The following NFATC2IP variants were observed in gnomAD, a reference collection of about 807,000 sequenced individuals.
NFATC2IP encodes NFATC2-interacting protein.
A neutral mutation model predicts 40.2 loss-of-function variants in NFATC2IP; 25 were observed. That is an observed-to-expected ratio of 0.62 (90% CI 0.45 to 0.87). The LOEUF is 0.87. NFATC2IP is among the 40% of genes least tolerant of loss of function. The pLI, the probability that NFATC2IP is intolerant of heterozygous loss-of-function variation, is 0.00. For missense variants in NFATC2IP, 553 were observed against 555.6 expected (o/e 1.00, Z 0.05); for synonymous variants, 241 against 236.3 (o/e 1.02, Z -0.18).
intron 5 of NFATC2IP, among the ~76,000 whole-genome samples, chr16:28,958,068 A>G (rs1965041010): frequency 6.6e-6 from 1 of 152,016 alleles, no homozygotes; most frequent in Non-Finnish European, 1.5e-5. Flanking sequence ...CAGGAGTTCA[A>G]GACCAGCCTG....
At position 28,964,037 on chromosome 16, in the gene NFATC2IP, T is replaced by A; in HGVS notation, c.*174T>A. On this transcript the variant is annotated 3_prime_UTR_variant, in exon 8 of 8. Transcript: ENST00000320805. ...ACCCTGGTTTAGAGCCGTTAACCAC[T>A]TGGTGAGTTATGTGGGTGTTGTTGC... 1 of 626,412 alleles carries A rather than the reference T, an allele frequency of 1.6e-6. No homozygotes were observed. Among genetic ancestry groups the A allele is most frequent in the Non-Finnish European group, 2.7e-6 (1 of 363,864 alleles). 38.8% of individuals were successfully genotyped at this position (626,412 alleles called of 1,614,324 possible).
At position 28,963,688 on chromosome 16, in the gene NFATC2IP, CT is replaced by C. The variant is rs755962979; in HGVS notation, c.1102-13del. The C allele has an allele frequency of 1.2e-6, 2 of 1,612,632 alleles. No homozygotes were observed. The highest frequency in any genetic ancestry group is 2.7e-5 in the African/African-American group (2 of 74,850). On this transcript the variant is annotated splice_polypyrimidine_tract_variant and intron_variant, in intron 7 of 7. Transcript: ENST00000320805. ...CCTTTCATGTTCTGACGTCCATTTT[CT>C]TTTGTCTCCATCCAGGATTCCCCTC...
intron 2 of NFATC2IP, among the ~76,000 whole-genome samples, 189 bp from the exon 3 acceptor site, chr16:28,954,376 C>G (rs968011434): frequency 2.0e-5 from 3 of 152,134 alleles, no homozygotes; most frequent in Non-Finnish European, 4.4e-5. Flanking sequence ...TATGAGCTAT[C>G]TTTATACTAA....
At position 28,964,035 on chromosome 16, in the gene NFATC2IP, A is replaced by G; in HGVS notation, c.*172A>G. The G allele has an allele frequency of 1.6e-6, 1 of 629,168 alleles. No individual in the cohort carries two copies. Among genetic ancestry groups the G allele is most frequent in the Non-Finnish European group, 2.7e-6 (1 of 366,266 alleles). The allele number at this position is 629,168 out of a possible 1,614,324, so 39.0% of individuals were successfully genotyped here. ...TGACCCTGGTTTAGAGCCGTTAACC[A>G]CTTGGTGAGTTATGTGGGTGTTGTT... On this transcript the variant is annotated 3_prime_UTR_variant, in exon 8 of 8. Coordinates refer to ENST00000320805, the MANE Select transcript of NFATC2IP (RefSeq NM_032815.4).
chr16:28,952,286 G>T, intron 2 of NFATC2IP, 82 bp downstream of exon 2: 1 of 1,592,914 alleles, frequency 6.3e-7, no homozygotes, highest in Non-Finnish European at 8.5e-7. Flanking sequence ...CCTGCAGTCA[G>T]TTGTCTCCTG....
Position 28,963,953 on chromosome 16 carries a change from A to G in NFATC2IP, c.*90A>G, listed in dbSNP as rs752472156. 1.4e-5 allele frequency: 17 copies of G among 1,217,460 alleles called. No homozygotes were observed. Among genetic ancestry groups the G allele is most frequent in the Admixed American group, 6.9e-5 (3 of 43,594 alleles). The allele number at this position is 1,217,460 out of a possible 1,614,324, so 75.4% of individuals were successfully genotyped here. ...CATAAGGGCTAGCATAAGCTGAGGT[A>G]GAACTTATCTTTAAGCTGCAGCAAA... On this transcript the variant is annotated 3_prime_UTR_variant, in exon 8 of 8. Coordinates refer to ENST00000320805, the MANE Select transcript of NFATC2IP (RefSeq NM_032815.4).
intron 7 of NFATC2IP, among the ~76,000 whole-genome samples, chr16:28,961,102 C>G (rs1209269564): frequency 1.3e-5 from 2 of 151,970 alleles, no homozygotes; most frequent in African/African-American, 2.4e-5. Flanking sequence ...CCAACATGGA[C>G]AGATTGCTTG....
In NFATC2IP at chr16:28,954,576, G is replaced by A. The variant is rs1042446931; in HGVS notation, c.472G>A (p.Ala158Thr). ...TCCTCTGCCCCCAGAGGCAGAGCTG[G>A]CAGATTCGAGTGGTCTCTACCATGA... ...PPGDEEEAEL[A>T]DSSGLYHEGS... is the part of the protein sequence containing the mutation. Residue 158 changes from alanine to threonine, a missense_variant, in exon 3 of 8, where the codon GCA becomes ACA. Physicochemically the swap from Ala to Thr is moderately conservative, Grantham distance 58. Coordinates refer to ENST00000320805, the MANE Select transcript of NFATC2IP (RefSeq NM_032815.4). The A allele has an allele frequency of 5.0e-6, 8 of 1,612,378 alleles. No homozygotes were observed. In the African/African-American group the frequency reaches 1.1e-4, roughly 22 times the overall value.
In NFATC2IP at chr16:28,951,025, T is replaced by A; in HGVS notation, c.14T>A (p.Val5Glu). Residue 5 changes from valine to glutamate, a missense_variant, in exon 1 of 8, where the codon GTG becomes GAG. Coordinates refer to ENST00000320805, the MANE Select transcript of NFATC2IP (RefSeq NM_032815.4). ...GGAAAGTGTGCCATGGCGGAGCCTGTGGGGAAGCGGGGCCGCTGGTCCGGA... is the reference window on the plus strand; with the variant it reads ...GGAAAGTGTGCCATGGCGGAGCCTGAGGGGAAGCGGGGCCGCTGGTCCGGA... MAEP[V>E]GKRGRWSGGS... The A allele has an allele frequency of 6.6e-7, 1 of 1,521,072 alleles. No homozygotes were observed. The highest frequency in any genetic ancestry group is 8.8e-7 in the Non-Finnish European group (1 of 1,137,688). The allele number at this position is 1,521,072 out of a possible 1,614,324, so 94.2% of individuals were successfully genotyped here.
chr16:28,963,637 C>T (rs118139364), intron 7 of NFATC2IP, 68 bp from the exon 8 acceptor site: 16,574 of 1,439,792 alleles, frequency 0.012, 117 homozygotes, highest in Non-Finnish European at 0.014. Flanking sequence ...CCAAGTTCCT[C>T]GTCTATCCCT....
rs767843277 is a variant in NFATC2IP, at chr16:28,952,064, C to T, written c.388-68C>T. ...GGAGCTGGGTGTCAGGGAAGAATTACCCCCAATTTTTTCTTTCGGTAGGGG... is the reference window on the plus strand; with the variant it reads ...GGAGCTGGGTGTCAGGGAAGAATTATCCCCAATTTTTTCTTTCGGTAGGGG... On this transcript the variant is annotated intron_variant, in intron 1 of 7. Transcript: ENST00000320805. 48 of 1,605,852 alleles carry T rather than the reference C, an allele frequency of 3.0e-5. No homozygotes were observed. In the Middle Eastern group the frequency reaches 1.8e-3, roughly 61 times the overall value.
At chr16:28,959,676 T>C (rs934806558) in intron 7 of NFATC2IP, among the ~76,000 whole-genome samples, 2 of 150,198 alleles carry the variant, frequency 1.3e-5, no homozygotes, top group Admixed American at 6.8e-5. Flanking sequence ...GAGTTTCAAG[T>C]GATTCTCTTT....
intron 2 of NFATC2IP, 29 bp downstream of exon 2, chr16:28,952,233 G>A: frequency 6.2e-7 from 1 of 1,612,334 alleles, no homozygotes; most frequent in Non-Finnish European, 8.5e-7. Flanking sequence ...GGAGAGGCAC[G>A]CAGCCGCTGG....
intron 5 of NFATC2IP, chr16:28,958,402 C>T (rs985861512): frequency 1.3e-5 from 3 of 235,554 alleles, no homozygotes; most frequent in African/African-American, 4.5e-5. Flanking sequence ...TACTGGCCCA[C>T]GTTCCCACAC....
At position 28,958,841 on chromosome 16, in the gene NFATC2IP, T is replaced by G; in HGVS notation, c.971T>G (p.Leu324Arg). 6.2e-7 allele frequency: 1 copy of G among 1,613,938 alleles called. No homozygotes were observed. The highest frequency in any genetic ancestry group is 8.5e-7 in the Non-Finnish European group (1 of 1,179,968). The change falls in exon 6 of 8, where the codon CTC (leucine) becomes CGC (arginine). Residue 324 changes from leucine (L) to arginine (R), a missense_variant. By Grantham distance (102) the Leu-to-Arg change is moderately radical. Coordinates refer to ENST00000320805, the MANE Select transcript of NFATC2IP (RefSeq NM_032815.4). ...ACTGCCACTCCCAGGACCCTAAAGC[T>G]CGGAGTGGCTGACATCATTGGTGAG... ...SPTATPRTLK[L>R]GVADIIDCVV... is the part of the protein sequence containing the mutation.
chr16:28,958,920 GGA>G, intron 6 of NFATC2IP, 59 bp downstream of exon 6: 1 of 1,608,452 alleles, frequency 6.2e-7, no homozygotes, highest in Non-Finnish European at 8.5e-7. Context: ...GGGGATATGG[GGA>G]GAGGTTCAGC....
chr16:28,958,541 G>A (rs541726056), intron 5 of NFATC2IP, 176 bp from the exon 6 acceptor site: 89 of 585,680 alleles, frequency 1.5e-4, no homozygotes, highest in African/African-American at 3.2e-4. Context: ...TGTGTTACTC[G>A]CCTGTACCCC....
In NFATC2IP at chr16:28,966,918, A is replaced by G. The variant is rs1965154006; in HGVS notation, c.*3055A>G. 6.6e-6 allele frequency: 1 copy of G among 152,200 alleles called. No individual in the cohort carries two copies. The highest frequency in any genetic ancestry group is 2.4e-5 in the African/African-American group (1 of 41,448). 9.4% of individuals were successfully genotyped at this position (152,200 alleles called of 1,614,324 possible). ...TGCATGATTCTAATAAAAGTATGTC[A>G]ACTTCTTAAAATGTTTTATTGAAAT... On this transcript the variant is annotated 3_prime_UTR_variant, in exon 8 of 8. Coordinates refer to ENST00000320805, the MANE Select transcript of NFATC2IP (RefSeq NM_032815.4).
chr16:28,958,222 G>T (rs903106586), intron 5 of NFATC2IP, among the ~76,000 whole-genome samples: 1 of 152,014 alleles, frequency 6.6e-6, no homozygotes, highest in Non-Finnish European at 1.5e-5. Context: ...GGCCGAGGCA[G>T]GTGGATCACC....
Sources: allele counts gnomAD v4.1 joint callset (sites outside exome capture counted in the v4.1 genomes callset), GRCh38; gene constraint gnomAD v4.1.1; transcripts MANE v1.5; gene names NCBI Gene and HGNC (gene_info 2026-07-23, HGNC 2026-07-21).